The following AK2 variants were observed in gnomAD, a reference collection of about 807,000 sequenced individuals.
AK2 encodes the protein adenylate kinase 2.
AK2 carries 15 observed loss-of-function variants against 24.6 expected under a neutral mutation model. The ratio of observed to expected loss-of-function variants is 0.61; its 90% CI spans 0.41 to 0.94. The LOEUF is 0.94. Ranked by LOEUF, AK2 falls within the 40% of genes least tolerant of loss-of-function variation. The pLI is 0.00. For synonymous variants in AK2, 102 were observed against 114.0 expected (o/e 0.90, Z 0.67); for missense variants, 257 against 304.1 (o/e 0.85, Z 1.15).
At chr1:33,030,529 G>A (rs1348626628) in intron 1 of AK2, among the ~76,000 whole-genome samples, 1 of 152,106 alleles carries the variant, frequency 6.6e-6, no homozygotes, top group Non-Finnish European at 1.5e-5. Context: ...ACTCCAGCCT[G>A]AGTGACAGAG....
intron 1 of AK2, among the ~76,000 whole-genome samples, chr1:33,027,295 C>T (rs1639953174): frequency 1.3e-5 from 2 of 152,142 alleles, no homozygotes; most frequent in African/African-American, 4.8e-5. Context: ...CAGGCTTGCT[C>T]AAGTGGAAAG....
At chr1:33,021,561 T>C in intron 3 of AK2, 32 bp downstream of exon 3, 2 of 1,609,308 alleles carry the variant, frequency 1.2e-6, no homozygotes, top group Non-Finnish European at 1.7e-6. Context: ...TTTGGTTTCA[T>C]GCAGTAGTAA....
At chr1:33,027,857 A>G (rs149038772) in intron 1 of AK2, among the ~76,000 whole-genome samples, 141 of 152,288 alleles carry the variant, frequency 9.3e-4, no homozygotes, top group Non-Finnish European at 1.4e-3. Context: ...TGGGTTTTGA[A>G]GTCAGACAGA....
chr1:33,017,600 C>T (rs1639272375), intron 4 of AK2, among the ~76,000 whole-genome samples: 1 of 152,152 alleles, frequency 6.6e-6, no homozygotes, highest in South Asian at 2.1e-4. Flanking sequence ...AAGGCTCATT[C>T]CACAGAAGGT....
intron 2 of AK2, chr1:33,024,172 A>G: frequency 2.4e-6 from 1 of 422,870 alleles, no homozygotes; most frequent in Non-Finnish European, 4.4e-6. Context: ...CTTTGTCAAA[A>G]AAAAAAGAAA....
intron 4 of AK2, among the ~76,000 whole-genome samples, chr1:33,015,988 T>C (rs964309637): frequency 1.3e-5 from 2 of 152,120 alleles, no homozygotes; most frequent in Admixed American, 6.6e-5. Flanking sequence ...ACAGCATATT[T>C]TGGGGGGACA....
At chr1:33,023,573 CA>C (rs1041088345) in intron 2 of AK2, among the ~76,000 whole-genome samples, 1 of 148,798 alleles carries the variant, frequency 6.7e-6, no homozygotes, top group South Asian at 2.1e-4. Context: ...GGTCTCAGAA[CA>C]AAAAAAAAGA....
chr1:33,017,262 G>A (rs1009832969), intron 4 of AK2, among the ~76,000 whole-genome samples: 10 of 152,170 alleles, frequency 6.6e-5, no homozygotes, highest in African/African-American at 2.4e-4. Context: ...CCATGGATAT[G>A]GAAGGCCAAC....
In AK2 at chr1:33,012,627, T is replaced by G; in HGVS notation, c.*554A>C. 4 of 1,289,500 alleles carry G rather than the reference T, an allele frequency of 3.1e-6. No individual in the cohort carries two copies. Among genetic ancestry groups the G allele is most frequent in the Non-Finnish European group, 4.0e-6 (4 of 990,324 alleles). The allele number at this position is 1,289,500 out of a possible 1,614,324, so 79.9% of individuals were successfully genotyped here. On this transcript the variant is annotated 3_prime_UTR_variant, in exon 6 of 6. Coordinates refer to ENST00000672715, the MANE Select transcript of AK2 (RefSeq NM_001625.4). ...AAGTAAACAGCTGGGCTGGGTGTAG[T>G]GGCTCACGTCTGTGATCCTGGCACT... is the stretch of plus-strand genomic sequence containing the variant.
rs1401885032 is a variant in AK2, at chr1:33,008,419, C to G, written c.*4762G>C. ...TGTGTTCTGTCAGTGACACTTTGTG[C>G]ACACAGGAGATCCTAAGACACATAC... On this transcript the variant is annotated 3_prime_UTR_variant, in exon 6 of 6. Coordinates refer to ENST00000672715, the MANE Select transcript of AK2 (RefSeq NM_001625.4). 5 of 453,964 alleles carry G rather than the reference C, an allele frequency of 1.1e-5. No individual in the cohort carries two copies. The highest frequency in any genetic ancestry group is 2.2e-5 in the Non-Finnish European group (5 of 226,784). The allele number at this position is 453,964 out of a possible 1,614,324, so 28.1% of individuals were successfully genotyped here.
Position 33,021,819 on chromosome 1 carries a change from T to A in AK2, c.220-116A>T, listed in dbSNP as rs115706972. The A allele has an allele frequency of 8.7e-4, 677 of 781,348 alleles. 5 individuals are homozygous for A. Among genetic ancestry groups the A allele is most frequent in the Middle Eastern group, 8.6e-3 (38 of 4,428 alleles). 48.4% of individuals were successfully genotyped at this position (781,348 alleles called of 1,614,324 possible). On this transcript the variant is annotated intron_variant, in intron 2 of 5. Coordinates refer to ENST00000672715, the MANE Select transcript of AK2 (RefSeq NM_001625.4). ...ATAACCTTATTACTAAACAGCAAGTTTTCTTGGACCCAAAGAAGCAAAAAT... is the reference window on the plus strand; with the variant it reads ...ATAACCTTATTACTAAACAGCAAGTATTCTTGGACCCAAAGAAGCAAAAAT...
At position 33,011,468 on chromosome 1, in the gene AK2, A is replaced by C. The variant is rs989655588; in HGVS notation, c.*1713T>G. The C allele has an allele frequency of 4.0e-5, 51 of 1,287,296 alleles. No homozygotes were observed. Among genetic ancestry groups the C allele is most frequent in the Non-Finnish European group, 4.9e-5 (48 of 988,798 alleles). 79.7% of individuals were successfully genotyped at this position (1,287,296 alleles called of 1,614,324 possible). ...CTCACTTGGACCAGGCAAAGAGGGA[A>C]GCAAGGTGGCCAGGTACTCATGCCC... On this transcript the variant is annotated 3_prime_UTR_variant, in exon 6 of 6. Coordinates refer to ENST00000672715, the MANE Select transcript of AK2 (RefSeq NM_001625.4).
Position 33,014,609 on chromosome 1 carries a change from AT to A in AK2, c.426-16del. ...GGTGAATCAGCCTGAAAGACAGCAA[AT>A]GAATATGAGTTAGGTTAACTGACAG... is the stretch of plus-strand genomic sequence containing the variant. On this transcript the variant is annotated splice_polypyrimidine_tract_variant and intron_variant, in intron 4 of 5. Transcript: ENST00000672715. The A allele has an allele frequency of 6.2e-7, 1 of 1,607,456 alleles. No homozygotes were observed. The highest frequency in any genetic ancestry group is 2.2e-5 in the East Asian group (1 of 44,608).
intron 4 of AK2, chr1:33,019,905 G>A: frequency 7.2e-7 from 1 of 1,390,396 alleles, no homozygotes; most frequent in Non-Finnish European, 9.3e-7. Context: ...AATGGTCATG[G>A]ATGTCTGGTT....
chr1:33,023,897 G>A lies in AK2; in HGVS notation c.219+545C>T, dbSNP rs147908806. 2.4e-4 allele frequency among the ~76,000 whole-genome samples: 37 copies of A among 152,288 alleles called. No homozygotes were observed. The East Asian group carries it at 6.6e-3, about 27-fold the overall frequency. The stretch of plus-strand genomic sequence containing the variant: ...TCTAAAAAGTCTTACAAGGCCAAGT[G>A]CGGTGGCTCACGCCTGTAATCCCAG... On this transcript the variant is annotated intron_variant, in intron 2 of 5. Coordinates refer to ENST00000672715, the MANE Select transcript of AK2 (RefSeq NM_001625.4).
chr1:33,014,306 C>T, intron 5 of AK2: 1 of 450,436 alleles, frequency 2.2e-6, no homozygotes, highest in South Asian at 1.9e-5. Context: ...GCTAGCACCA[C>T]TGGAAGCAAC....
chr1:33,026,272 C>T (rs1230948119), intron 1 of AK2, among the ~76,000 whole-genome samples: 1 of 152,120 alleles, frequency 6.6e-6, no homozygotes, highest in African/African-American at 2.4e-5. Context: ...GATCACGGCT[C>T]ACTGCAGCCA....
chr1:33,023,602 G>A (rs1266444775), intron 2 of AK2, among the ~76,000 whole-genome samples: 5 of 151,880 alleles, frequency 3.3e-5, no homozygotes, highest in African/African-American at 7.3e-5. Flanking sequence ...TGCAATTATC[G>A]TCCCCAGATA....
rs1422087585 is a variant in AK2 at position 33,031,952 on chromosome 1, A to G, written c.93+4784T>C. 9 of 236,544 alleles carry G rather than the reference A, an allele frequency of 3.8e-5. No individual in the cohort carries two copies. In the South Asian group the frequency reaches 4.3e-4, roughly 11 times the overall value. The allele number at this position is 236,544 out of a possible 1,614,324, so 14.7% of individuals were successfully genotyped here. ...TATTATAGATGTTTTAAAACATTACATTGATGCAAAAGCGAGTAGTTTTGA... is the reference window on the plus strand; with the variant it reads ...TATTATAGATGTTTTAAAACATTACGTTGATGCAAAAGCGAGTAGTTTTGA... On this transcript the variant is annotated intron_variant, in intron 1 of 5. Transcript: ENST00000672715.
Sources: gnomAD v4.1 joint callset for allele counts (sites outside exome capture counted in the v4.1 genomes callset) on GRCh38, gnomAD v4.1.1 for gene constraint, MANE v1.5 for transcripts, NCBI Gene and HGNC (gene_info 2026-07-23, HGNC 2026-07-21) for gene names.